The following ARHGAP15 variants were observed in gnomAD, a reference collection of about 807,000 sequenced individuals.
The protein encoded by ARHGAP15 is Rho GTPase activating protein 15, also known as rho GTPase-activating protein 15.
In ARHGAP15, 51 loss-of-function variants were observed where a neutral mutation model predicts 63.7. The ratio of observed to expected loss-of-function variants is 0.80; its 90% CI spans 0.64 to 1.01. The LOEUF (loss-of-function observed/expected upper bound fraction) is 1.01. Among genes scored for constraint, ARHGAP15 ranks in the 50% least tolerant of loss-of-function variants. The probability of loss-of-function intolerance (pLI) is 0.00; values close to 1 mark genes in which losing one functional copy is unlikely to be tolerated. For missense variants in ARHGAP15, 560 were observed against 564.6 expected (o/e 0.99, Z 0.08); for synonymous variants, 191 against 193.8 (o/e 0.99, Z 0.12).
chr2:143,744,808 T>C (rs1162097689), intron 13 of ARHGAP15, among the ~76,000 whole-genome samples: 1 of 152,234 alleles, frequency 6.6e-6, no homozygotes, highest in Non-Finnish European at 1.5e-5. Flanking sequence ...GCCTGATCTT[T>C]TCATGACTAT....
At chr2:143,391,107 C>T (rs1687520052) in intron 6 of ARHGAP15, among the ~76,000 whole-genome samples, 2 of 152,154 alleles carry the variant, frequency 1.3e-5, no homozygotes, top group Admixed American at 1.3e-4. Context: ...TCCCTGGAAA[C>T]CCCTGTGACT....
chr2:143,488,652 C>A (rs1389837556), intron 9 of ARHGAP15, among the ~76,000 whole-genome samples: 1 of 152,214 alleles, frequency 6.6e-6, no homozygotes, highest in Non-Finnish European at 1.5e-5. Flanking sequence ...GAGGGCAAAG[C>A]AGATCCTAAT....
chr2:143,194,507 C>T (rs539976539), intron 2 of ARHGAP15, among the ~76,000 whole-genome samples: 1 of 152,166 alleles, frequency 6.6e-6, no homozygotes, highest in East Asian at 1.9e-4. Flanking sequence ...TCTATTTTGG[C>T]CCTGAGTTTC....
chr2:143,258,950 A>G (rs1305321922), intron 6 of ARHGAP15, among the ~76,000 whole-genome samples: 2 of 152,142 alleles, frequency 1.3e-5, no homozygotes, highest in Non-Finnish European at 2.9e-5. Flanking sequence ...TTGCTGAAGC[A>G]CCTTGAAAAC....
chr2:143,239,922 T>C (rs1053802708), intron 5 of ARHGAP15, among the ~76,000 whole-genome samples: 1 of 129,146 alleles, frequency 7.7e-6, no homozygotes, highest in African/African-American at 3.0e-5. Context: ...ACCCAGGAGG[T>C]GGTGGTTGCA....
chr2:143,550,520 A>G (rs1334549063), intron 10 of ARHGAP15, among the ~76,000 whole-genome samples: 2 of 152,214 alleles, frequency 1.3e-5, no homozygotes, highest in African/African-American at 2.4e-5. Flanking sequence ...TCAAAGCTGA[A>G]TAAAATAAAA....
At chr2:143,266,254 G>A (rs1380615529) in intron 6 of ARHGAP15, among the ~76,000 whole-genome samples, 4 of 151,976 alleles carry the variant, frequency 2.6e-5, no homozygotes, top group African/African-American at 7.2e-5. Flanking sequence ...ATGCCCTTTT[G>A]ATAATACTGT....
intron 11 of ARHGAP15, among the ~76,000 whole-genome samples, chr2:143,584,101 T>C (rs1485780236): frequency 6.6e-6 from 1 of 152,182 alleles, no homozygotes; most frequent in Non-Finnish European, 1.5e-5. Flanking sequence ...ATGCATTCTA[T>C]TGCAGTTTCA....
intron 6 of ARHGAP15, among the ~76,000 whole-genome samples, chr2:143,340,494 T>C (rs1685009470): frequency 6.6e-6 from 1 of 151,732 alleles, no homozygotes; most frequent in African/African-American, 2.4e-5. Context: ...TATAGCTGAT[T>C]TTATCCTAAA....
chr2:143,461,281 CAA>C lies in ARHGAP15; in HGVS notation c.703+24263_703+24264del, dbSNP rs70982868. ...GGCTACAGAATGAGACTCTGTCTCT[CAA>C]AAAAAAAAAAAAAAAAAAAAAAACA... On this transcript the variant is annotated intron_variant, in intron 8 of 13. Coordinates refer to ENST00000295095, the MANE Select transcript of ARHGAP15 (RefSeq NM_018460.4). Among the ~76,000 whole-genome samples, 31 of 55,050 alleles carry C rather than the reference CAA, an allele frequency of 5.6e-4. No homozygotes were observed. In the South Asian group the frequency reaches 0.019, roughly 34 times the overall value. 36.1% of individuals were successfully genotyped at this position (55,050 alleles called of 152,430 possible).
At chr2:143,673,781 T>TATATATAG (rs1339149290) in intron 12 of ARHGAP15, among the ~76,000 whole-genome samples, 1 of 120,350 alleles carries the variant, frequency 8.3e-6, no homozygotes, top group Non-Finnish European at 1.8e-5. Context: ...TATATATATA[T>TATATATAG]ATAAACAACT....
chr2:143,165,213 T>C (rs1335066445), intron 2 of ARHGAP15, among the ~76,000 whole-genome samples: 2 of 152,180 alleles, frequency 1.3e-5, no homozygotes, highest in East Asian at 3.9e-4. Context: ...ACCATAAACA[T>C]AAATGACCAA....
At chr2:143,138,476 C>T (rs1425594393) in intron 1 of ARHGAP15, among the ~76,000 whole-genome samples, 1 of 152,076 alleles carries the variant, frequency 6.6e-6, no homozygotes, top group Non-Finnish European at 1.5e-5. Context: ...AAGAATCCTA[C>T]TTTGTTTGAT....
intron 6 of ARHGAP15, among the ~76,000 whole-genome samples, chr2:143,294,456 A>T (rs1331671873): frequency 6.6e-6 from 1 of 152,064 alleles, no homozygotes; most frequent in Non-Finnish European, 1.5e-5. Flanking sequence ...GAAGTTCAGC[A>T]TGGACATTGT....
intron 2 of ARHGAP15, among the ~76,000 whole-genome samples, chr2:143,175,383 G>A (rs963461422): frequency 3.3e-5 from 5 of 152,164 alleles, no homozygotes; most frequent in Admixed American, 6.6e-5. Flanking sequence ...AGAAATTGGC[G>A]TAAGTAACTG....
intron 6 of ARHGAP15, among the ~76,000 whole-genome samples, chr2:143,302,593 G>T (rs1411360160): frequency 6.6e-6 from 1 of 151,956 alleles, no homozygotes; most frequent in Admixed American, 6.6e-5. Flanking sequence ...GACAAAAGTT[G>T]TCTAAAAGCA....
At chr2:143,541,550 T>G (rs1033421709) in intron 10 of ARHGAP15, among the ~76,000 whole-genome samples, 1 of 152,040 alleles carries the variant, frequency 6.6e-6, no homozygotes, top group African/African-American at 2.4e-5. Flanking sequence ...TACAGATGGG[T>G]TTTTGGTGTG....
intron 6 of ARHGAP15, among the ~76,000 whole-genome samples, chr2:143,276,013 C>T (rs759145045): frequency 7.2e-5 from 11 of 152,182 alleles, no homozygotes; most frequent in Non-Finnish European, 1.3e-4. Flanking sequence ...TAAACCCATC[C>T]TTTACAACAA....
In ARHGAP15 at chr2:143,225,600, C is replaced by T. The variant is rs951124580; in HGVS notation, c.297-2981C>T. Among the ~76,000 whole-genome samples the T allele has an allele frequency of 2.0e-5, 3 of 150,110 alleles. No homozygotes were observed. In the East Asian group the frequency reaches 5.8e-4, roughly 29 times the overall value. ...CAGCCTGGGCGACAGAGCGAGACTC[C>T]GTCTCAAAAAACAAAACAAAACAAA... On this transcript the variant is annotated intron_variant, in intron 4 of 13. Coordinates refer to ENST00000295095, the MANE Select transcript of ARHGAP15 (RefSeq NM_018460.4).
Sources: gnomAD v4.1 joint callset for allele counts (sites outside exome capture counted in the v4.1 genomes callset) on GRCh38, gnomAD v4.1.1 for gene constraint, MANE v1.5 for transcripts, NCBI Gene and HGNC (gene_info 2026-07-23, HGNC 2026-07-21) for gene names.